The following PRSS23 variants were observed in gnomAD, a reference collection of about 807,000 sequenced individuals.
PRSS23 encodes the protein serine protease 23, also known as protease, serine 23.
A neutral mutation model predicts 34.7 loss-of-function variants in PRSS23; 25 were observed. The ratio of observed to expected loss-of-function variants is 0.72; its 90% CI spans 0.53 to 1.01. The LOEUF is 1.01. PRSS23 is among the 50% of genes least tolerant of loss of function. The pLI is 0.00. For missense variants in PRSS23, 445 were observed against 475.6 expected (o/e 0.94, Z 0.60); for synonymous variants, 176 against 186.6 (o/e 0.94, Z 0.46).
rs1346009599 is a variant in PRSS23 at position 86,939,424 on chromosome 11, A to ATTTT, written c.207-11791_207-11790insTTTT. Among the ~76,000 whole-genome samples the ATTTT allele has an allele frequency of 6.1e-4, 51 of 83,984 alleles. 1 individual carries two copies. The highest frequency in any genetic ancestry group is 1.4e-3 in the African/African-American group (40 of 28,026). The allele number at this position is 83,984 out of a possible 152,430, so 55.1% of individuals were successfully genotyped here. A position where few individuals can be genotyped will look rare whatever the true frequency, so the allele number is the denominator to read the frequency against. ...AAAAAATATATATATATATATATAT[A>ATTTT]TATTTTTTAACATGAGTAAAAATTG... is the stretch of plus-strand genomic sequence containing the variant. On this transcript the variant is annotated intron_variant, in intron 2 of 2. Coordinates refer to the PRSS23 transcript ENST00000533902.
chr11:86,939,426 A>ATATATATATATATATTTTTTT, intron 2 of PRSS23, among the ~76,000 whole-genome samples: 42 of 94,052 alleles, frequency 4.5e-4, no homozygotes, highest in East Asian at 1.8e-3. Flanking sequence ...ATATATATAT[A>ATATATATATATATATTTTTTT]TTTTTTAACA....
intron 2 of PRSS23, chr11:86,947,230 CA>C (rs1949251563): frequency 1.3e-4 from 21 of 157,560 alleles, no homozygotes; most frequent in South Asian, 4.4e-4. Context: ...AACAAACAAA[CA>C]AACAACAAAA....
downstream of PRSS23, among the ~76,000 whole-genome samples, chr11:86,812,105 A>G (rs1948182765): frequency 6.6e-6 from 1 of 152,222 alleles, no homozygotes; most frequent in Non-Finnish European, 1.5e-5. Context: ...TGAGAATGCT[A>G]TGACTAATGA....
chr11:86,942,046 A>G (rs1387553938), intron 2 of PRSS23, among the ~76,000 whole-genome samples: 1 of 152,204 alleles, frequency 6.6e-6, no homozygotes, highest in Non-Finnish European at 1.5e-5. Context: ...AGACAACTTT[A>G]GGTGCTCAAA....
intron 2 of PRSS23, among the ~76,000 whole-genome samples, chr11:86,876,458 A>G (rs1036281969): frequency 6.6e-6 from 1 of 152,178 alleles, no homozygotes; most frequent in Admixed American, 6.5e-5. Context: ...CACCTTGCCT[A>G]CCTCACAGGG....
chr11:86,849,090 T>G (rs928372400), intron 2 of PRSS23, among the ~76,000 whole-genome samples: 3 of 152,146 alleles, frequency 2.0e-5, no homozygotes, highest in Non-Finnish European at 4.4e-5. Context: ...AAGTGCCAGC[T>G]CATGCAATCA....
intron 1 of PRSS23, among the ~76,000 whole-genome samples, chr11:86,804,809 G>A (rs890872827): frequency 6.6e-6 from 1 of 152,148 alleles, no homozygotes; most frequent in South Asian, 2.1e-4. Flanking sequence ...TTGAGAGGTT[G>A]GAGTAAGGCT....
intron 2 of PRSS23, among the ~76,000 whole-genome samples, chr11:86,944,892 C>T (rs1949230417): frequency 6.6e-6 from 1 of 152,104 alleles, no homozygotes; most frequent in Admixed American, 6.5e-5. Context: ...TTTACTCACA[C>T]CAAAACAGGG....
chr11:86,889,844 A>G (rs1386905210), intron 2 of PRSS23, among the ~76,000 whole-genome samples: 1 of 152,174 alleles, frequency 6.6e-6, no homozygotes. Context: ...TCTTTCTCTG[A>G]TGTGCAGTAG....
chr11:86,854,824 T>G (rs550735282), intron 2 of PRSS23, among the ~76,000 whole-genome samples: 10 of 152,292 alleles, frequency 6.6e-5, no homozygotes, highest in African/African-American at 2.4e-4. Context: ...GGGACATATG[T>G]GTGGGAAGTT....
intron 2 of PRSS23, among the ~76,000 whole-genome samples, chr11:86,926,697 A>T (rs1051252615): frequency 1.3e-5 from 2 of 152,138 alleles, no homozygotes; most frequent in African/African-American, 4.8e-5. Flanking sequence ...AAAAACCTCC[A>T]TTAGGGTTAC....
chr11:86,840,059 C>T (rs563212370), intron 2 of PRSS23, among the ~76,000 whole-genome samples: 6 of 151,964 alleles, frequency 3.9e-5, no homozygotes, highest in African/African-American at 1.4e-4. Flanking sequence ...ACAAAATAAC[C>T]AGCTAACATC....
intron 2 of PRSS23, among the ~76,000 whole-genome samples, chr11:86,893,214 G>C (rs745377858): frequency 5.3e-5 from 8 of 152,192 alleles, no homozygotes; most frequent in Non-Finnish European, 1.2e-4. Flanking sequence ...TTCAAAGAGA[G>C]CTTAGTCCTG....
rs541344859 is a variant in PRSS23 at position 86,853,138 on chromosome 11, G to A, written c.206+29545G>A. ...CAAAGTACTGGGGTTACAGGTGCGA[G>A]CCACTGAGCCCGGTCGTGTTTATCC... is the stretch of plus-strand genomic sequence containing the variant. On this transcript the variant is annotated intron_variant, in intron 2 of 2. Transcript: ENST00000533902. Among the ~76,000 whole-genome samples the A allele has an allele frequency of 6.6e-5, 10 of 151,508 alleles. No individual in the cohort carries two copies. In the South Asian group the frequency reaches 1.9e-3, roughly 29 times the overall value.
At chr11:86,856,483 G>C (rs1482553995) in intron 2 of PRSS23, among the ~76,000 whole-genome samples, 2 of 152,140 alleles carry the variant, frequency 1.3e-5, no homozygotes, top group Non-Finnish European at 2.9e-5. Context: ...CACATAACCT[G>C]CCTAAATAGA....
chr11:86,825,229 A>G (rs1948289943), intron 2 of PRSS23, among the ~76,000 whole-genome samples: 1 of 152,060 alleles, frequency 6.6e-6, no homozygotes, highest in Non-Finnish European at 1.5e-5. Flanking sequence ...TCTGATGGCC[A>G]GTGATGGTGA....
chr11:86,949,167 T>G (rs1949268846), intron 2 of PRSS23: 1 of 152,148 alleles, frequency 6.6e-6, no homozygotes, highest in Non-Finnish European at 1.5e-5. Flanking sequence ...CCCACTTAAC[T>G]TCAGTCTCAA....
At chr11:86,816,254 C>A (rs536438291) in intron 1 of PRSS23, among the ~76,000 whole-genome samples, 3 of 152,286 alleles carry the variant, frequency 2.0e-5, no homozygotes, top group Admixed American at 2.0e-4. Context: ...GTCCTCAAGC[C>A]CACCTCGGTG....
At chr11:86,854,932 C>T (rs1948558105) in intron 2 of PRSS23, among the ~76,000 whole-genome samples, 1 of 152,062 alleles carries the variant, frequency 6.6e-6, no homozygotes, top group Non-Finnish European at 1.5e-5. Flanking sequence ...TTTGAGAGGC[C>T]GAGGTGGGCG....
Sources: gnomAD v4.1 joint callset for allele counts (sites outside exome capture counted in the v4.1 genomes callset) on GRCh38, gnomAD v4.1.1 for gene constraint, MANE v1.5 for transcripts, NCBI Gene and HGNC (gene_info 2026-07-23, HGNC 2026-07-21) for gene names.